The following THBS2 variants were observed in gnomAD, a reference collection of about 807,000 sequenced individuals.
The protein encoded by THBS2 is thrombospondin 2.
In THBS2, 47 loss-of-function variants were observed where a neutral mutation model predicts 135.2. The observed-to-expected ratio is 0.35, with a 90% CI of 0.28 to 0.44. The LOEUF (loss-of-function observed/expected upper bound fraction) is 0.44, where lower values mean the gene tolerates loss of function less well. Ranked by LOEUF, THBS2 falls within the 20% of genes least tolerant of loss-of-function variation. The pLI is 1.00. For missense variants in THBS2, 1,288 were observed against 1,603.1 expected, an observed-to-expected ratio of 0.80 and a Z score of 3.36; for synonymous variants, 639 against 633.8, an observed-to-expected ratio of 1.01 and a Z score of -0.12.
intron 4 of THBS2, among the ~76,000 whole-genome samples, chr6:169,243,055 TTCCCACCA>T (rs1780410942): frequency 1.3e-5 from 1 of 74,890 alleles, no homozygotes; most frequent in Non-Finnish European, 2.5e-5. Flanking sequence ...CCTTCCCACC[TTCCCACCA>T]CTCCCACCTT....
intron 19 of THBS2, 56 bp from the exon 20 acceptor site, chr6:169,221,583 G>T: frequency 6.6e-7 from 1 of 1,508,478 alleles, no homozygotes. Context: ...CTTAACCACA[G>T]CTCTGTAACA....
chr6:169,225,307 T>G lies in THBS2; in HGVS notation c.2611A>C (p.Asn871His), dbSNP rs747990259. The G allele has an allele frequency of 1.3e-6, 2 of 1,589,214 alleles. No homozygotes were observed. Among genetic ancestry groups the G allele is most frequent in the Admixed American group, 3.6e-5 (2 of 55,140 alleles). ...NEDIDDDGHQ[N>H]NQDNCPYISN... The stretch of plus-strand genomic sequence containing the variant: ...ATGTAGGGGCAGTTGTCCTGGTTGT[T>G]CTGGTGGCCGTCGTCATCTATGTCC... Residue 871 changes from asparagine (N) to histidine (H), a missense_variant, in exon 17 of 22, where the codon AAC becomes CAC. By Grantham distance (68) the Asn-to-His change is moderately conservative (BLOSUM62 1). Coordinates refer to ENST00000617924, the MANE Select transcript of THBS2 (RefSeq NM_003247.5).
At position 169,234,767 on chromosome 6, in the gene THBS2, G is replaced by T; in HGVS notation, c.1618C>A (p.Arg540Ser). ...GKACVGDVQE[R>S]QMCNKRSCPV... ...CAGCTCCTCTTGTTGCACATCTGAC[G>T]CTCCTGCACATCCCCCACGCAGGCC... The change falls in exon 10 of 22, where the codon CGT becomes AGT. Residue 540 changes from arginine to serine, a missense_variant. Around this residue, in one of 2 missense-constraint regions of THBS2, gnomAD observed 874 missense variants for 1,156.1 expected, o/e 0.76. Coordinates refer to ENST00000617924, the MANE Select transcript of THBS2 (RefSeq NM_003247.5). 6.3e-7 allele frequency: 1 copy of T among 1,597,670 alleles called. No individual in the cohort carries two copies. The highest frequency in any genetic ancestry group is 1.3e-5 in the African/African-American group (1 of 74,552).
chr6:169,232,901 C>G lies in THBS2; in HGVS notation c.1768G>C (p.Asp590His). 6.3e-7 allele frequency: 1 copy of G among 1,594,218 alleles called. No individual in the cohort carries two copies. Among genetic ancestry groups the G allele is most frequent in the Non-Finnish European group, 8.5e-7 (1 of 1,170,644 alleles). ...GFLGNGTHCE[D>H]LDECALVPDI... ...GCGGGGTCACCCACCTCGTCCAGGT[C>G]CTCACAGTGGGTGCCATTGCCCAAG... Residue 590 changes from aspartate (D) to histidine (H), a missense_variant, in exon 11 of 22, where the codon GAC becomes CAC. This residue lies in a region of THBS2 where 874 missense variants were observed against 1,156.1 expected (regional missense o/e 0.76). Transcript: ENST00000617924.
At chr6:169,221,687 C>CTG (rs1340216465) in intron 19 of THBS2, among the ~76,000 whole-genome samples, 160 bp from the exon 20 acceptor site, 2 of 152,292 alleles carry the variant, frequency 1.3e-5, no homozygotes, top group East Asian at 3.9e-4. Context: ...CAAATCTCTA[C>CTG]TGTGGATTGA....
intron 19 of THBS2, 87 bp downstream of exon 19, chr6:169,222,110 G>A (rs1779448709): frequency 4.2e-6 from 6 of 1,433,356 alleles, no homozygotes; most frequent in African/African-American, 1.4e-5. Flanking sequence ...ACAAAAGTGG[G>A]GTCTCTGGAC....
intron 9 of THBS2, among the ~76,000 whole-genome samples, chr6:169,236,419 C>G (rs1780075291): frequency 7.4e-6 from 1 of 134,844 alleles, no homozygotes; most frequent in Admixed American, 7.4e-5. Context: ...TAAACACCAT[C>G]CACACTCACT....
At chr6:169,222,091 T>A (rs1409872352) in intron 19 of THBS2, 106 bp downstream of exon 19, 46 of 1,360,870 alleles carry the variant, frequency 3.4e-5, no homozygotes, top group Non-Finnish European at 4.4e-5. Flanking sequence ...GGAGTTAAAA[T>A]TAATAAAGAC....
At chr6:169,248,371 T>C (rs563447248) in intron 3 of THBS2, 46 bp downstream of exon 3, 53 of 1,555,686 alleles carry the variant, frequency 3.4e-5, no homozygotes, top group Middle Eastern at 4.4e-4. Flanking sequence ...AGTTCCCAGC[T>C]AAGCTCTTTC....
At position 169,220,217 on chromosome 6, in the gene THBS2, G is replaced by A. The variant is rs779200854; in HGVS notation, c.3492C>T (p.Asp1164=). ...ACTCACCTCTGCATTCGTACTTGAG[G>A]TCTGAGAAATAGACCATTTCTTGAG... ...VFSQEMVYFS[D]LKYECRDI The change falls in exon 21 of 22, where the codon GAC becomes GAT. Residue 1164 remains aspartate (D), a synonymous_variant. Transcript: ENST00000617924. The A allele has an allele frequency of 3.1e-6, 5 of 1,613,686 alleles. No individual in the cohort carries two copies. The African/African-American group carries it at 6.7e-5, about 22-fold the overall frequency.
At chr6:169,229,395 T>TA (rs1331774708) in intron 14 of THBS2, among the ~76,000 whole-genome samples, 177 bp downstream of exon 14, 1 of 152,180 alleles carries the variant, frequency 6.6e-6, no homozygotes, top group African/African-American at 2.4e-5. Flanking sequence ...TGCACTGAGG[T>TA]AAAATCCGCT....
At chr6:169,247,629 CAT>C (rs969926597) in intron 3 of THBS2, among the ~76,000 whole-genome samples, 52 of 152,196 alleles carry the variant, frequency 3.4e-4, no homozygotes, top group South Asian at 2.7e-3. Flanking sequence ...TGTGTGTTCA[CAT>C]GTGTGTGGTG....
rs114530052 is a variant in THBS2, at chr6:169,250,512, T to A, written c.52+221A>T. On this transcript the variant is annotated intron_variant, in intron 2 of 21. Transcript: ENST00000617924. ...GAAAAAAGGATAAACTGTGCAACTC[T>A]AGGTGGAATTGCATTTTTCTCTAAC... is the stretch of plus-strand genomic sequence containing the variant. 9.3e-3 allele frequency among the ~76,000 whole-genome samples: 1,414 copies of A among 152,356 alleles called. 15 individuals are homozygous for A. The highest frequency in any genetic ancestry group is 0.032 in the African/African-American group (1,329 of 41,584).
At chr6:169,225,440 A>G in intron 16 of THBS2, 61 bp from the exon 17 acceptor site, 1 of 1,486,524 alleles carries the variant, frequency 6.7e-7, no homozygotes, top group Non-Finnish European at 9.2e-7. Flanking sequence ...GTGGAGAGGA[A>G]CCAGCAGGAC....
chr6:169,218,999 AGTAG>A (rs1322788641), intron 21 of THBS2, among the ~76,000 whole-genome samples: 2 of 115,610 alleles, frequency 1.7e-5, no homozygotes, highest in East Asian at 3.2e-4. Context: ...TGGATGGATG[AGTAG>A]GTGGGTGGAT....
chr6:169,245,240 G>A (rs747949733), intron 4 of THBS2, among the ~76,000 whole-genome samples: 3 of 150,410 alleles, frequency 2.0e-5, no homozygotes, highest in Non-Finnish European at 3.0e-5. Flanking sequence ...ACTCCCTTGG[G>A]TGCCAGCCTT....
rs141758656 is a variant in THBS2 at position 169,245,520 on chromosome 6, T to C, written c.694+677A>G. 6.2e-3 allele frequency among the ~76,000 whole-genome samples: 941 copies of C among 152,086 alleles called. 5 individuals are homozygous for C. Among genetic ancestry groups the C allele is most frequent in the East Asian group, 0.012 (63 of 5,178 alleles). ...TATAAGAAAACTTCTAGGCCGGGCG[T>C]GGTGGCTCACACCTGTAATCCCAGC... On this transcript the variant is annotated intron_variant, in intron 4 of 21. Transcript: ENST00000617924.
rs1057170706 is a variant in THBS2 at position 169,227,083 on chromosome 6, C to T, written c.2420-785G>A. Among the ~76,000 whole-genome samples the T allele has an allele frequency of 5.3e-5, 8 of 152,100 alleles. No individual in the cohort carries two copies. In the South Asian group the frequency reaches 6.2e-4, roughly 12 times the overall value. On this transcript the variant is annotated intron_variant, in intron 15 of 21. Transcript: ENST00000617924. ...AGCAACCCACCACATTCCCAGAGAA[C>T]GAGAGGAGGGTGGAGGCAGAAATCA... is the stretch of plus-strand genomic sequence containing the variant.
chr6:169,229,432 C>T (rs529469644), intron 14 of THBS2, 140 bp downstream of exon 14: 2 of 637,358 alleles, frequency 3.1e-6, no homozygotes, highest in East Asian at 2.6e-5. Flanking sequence ...TTTATAGTGA[C>T]CTTTGGGAAC....
Sources: allele counts gnomAD v4.1 joint callset (sites outside exome capture counted in the v4.1 genomes callset), GRCh38; gene constraint gnomAD v4.1.1; regional missense constraint gnomAD v4.1.1; transcripts MANE v1.5; gene names NCBI Gene and HGNC (gene_info 2026-07-23, HGNC 2026-07-21).